Variants in DPP10 observed in about 807,000 individuals in gnomAD.
The protein encoded by DPP10 is inactive dipeptidyl peptidase 10.
Under a neutral mutation model 120.9 loss-of-function variants are expected in DPP10, and 33 were observed. The ratio of observed to expected loss-of-function variants is 0.27; its 90% CI spans 0.21 to 0.37. The LOEUF is 0.37. Among genes scored for constraint, DPP10 ranks in the 10% least tolerant of loss-of-function variants. The pLI, the probability that DPP10 is intolerant of heterozygous loss-of-function variation, is 1.00. For synonymous variants in DPP10, 337 were observed against 326.1 expected (o/e 1.03, Z -0.36); for missense variants, 816 against 942.8 (o/e 0.87, Z 1.76).
At chr2:115,495,588 G>C (rs1000735147) in intron 3 of DPP10, among the ~76,000 whole-genome samples, 1 of 151,942 alleles carries the variant, frequency 6.6e-6, no homozygotes, top group Non-Finnish European at 1.5e-5. Flanking sequence ...GTGTGGAAGA[G>C]GTATAAAATA....
chr2:114,620,494 G>A (rs981755051), intron 1 of DPP10, among the ~76,000 whole-genome samples: 1 of 151,954 alleles, frequency 6.6e-6, no homozygotes, highest in Non-Finnish European at 1.5e-5. Flanking sequence ...GTTAAACAGT[G>A]AAGTCTTATA....
At chr2:115,371,761 T>G (rs556739124) in intron 3 of DPP10, among the ~76,000 whole-genome samples, 8 of 152,222 alleles carry the variant, frequency 5.3e-5, no homozygotes, top group South Asian at 2.1e-4. Context: ...AGTATATATT[T>G]TGGTTTAGTC....
intron 1 of DPP10, among the ~76,000 whole-genome samples, chr2:114,693,239 T>C (rs1699875943): frequency 6.6e-6 from 1 of 151,808 alleles, no homozygotes; most frequent in African/African-American, 2.4e-5. Flanking sequence ...CAATTTTCAG[T>C]GATTCTTTCA....
At chr2:115,046,056 T>C (rs1705048842) in intron 1 of DPP10, among the ~76,000 whole-genome samples, 1 of 151,970 alleles carries the variant, frequency 6.6e-6, no homozygotes, top group Admixed American at 6.6e-5. Flanking sequence ...GTCAAATAGA[T>C]TCAAACTATT....
At chr2:114,917,811 A>G (rs1253248579) in intron 1 of DPP10, among the ~76,000 whole-genome samples, 2 of 152,258 alleles carry the variant, frequency 1.3e-5, no homozygotes, top group Non-Finnish European at 1.5e-5. Context: ...TCAACTCAAG[A>G]TGGATTAAAG....
At chr2:114,722,043 C>T (rs1375258663) in intron 1 of DPP10, among the ~76,000 whole-genome samples, 1 of 152,068 alleles carries the variant, frequency 6.6e-6, no homozygotes. Context: ...TAACTAGCTA[C>T]AAATGCCAGT....
chr2:115,549,482 C>G (rs1216207372), intron 5 of DPP10, among the ~76,000 whole-genome samples: 3 of 152,124 alleles, frequency 2.0e-5, no homozygotes, highest in South Asian at 2.1e-4. Context: ...TCCCTATTCT[C>G]TCATTTCAAG....
chr2:115,243,340 G>A (rs1035291299), intron 1 of DPP10, among the ~76,000 whole-genome samples: 4 of 152,016 alleles, frequency 2.6e-5, no homozygotes, highest in Non-Finnish European at 5.9e-5. Context: ...CAGAAAAGAT[G>A]CATTTCTTGC....
chr2:114,873,085 C>T (rs1396813850), intron 1 of DPP10, among the ~76,000 whole-genome samples: 1 of 152,146 alleles, frequency 6.6e-6, no homozygotes, highest in Non-Finnish European at 1.5e-5. Context: ...TTATCGAAGG[C>T]CACCATTTCA....
intron 1 of DPP10, among the ~76,000 whole-genome samples, chr2:114,870,154 A>G (rs754736854): frequency 2.6e-4 from 40 of 152,206 alleles, no homozygotes; most frequent in Non-Finnish European, 4.6e-4. Context: ...GTTCTTTACA[A>G]TAAGATATAG....
intron 11 of DPP10, among the ~76,000 whole-genome samples, chr2:115,757,552 A>G (rs1679579553): frequency 6.6e-6 from 1 of 152,078 alleles, no homozygotes; most frequent in Admixed American, 6.6e-5. Context: ...CCCGTAATTC[A>G]ATCACCTTCC....
rs1195257863 is a variant in DPP10 at position 115,777,805 on chromosome 2, A to G, written c.1332A>G (p.Glu444=). 1.2e-6 allele frequency: 2 copies of G among 1,613,224 alleles called. No homozygotes were observed. Among genetic ancestry groups the G allele is most frequent in the African/African-American group, 1.3e-5 (1 of 74,860 alleles). ...TGGACAGTTACTTTCTGAGCACTGAATCTTCTCCCAGAGGAAGGCAGCTGT... is the reference window on the plus strand; with the variant it reads ...TGGACAGTTACTTTCTGAGCACTGAGTCTTCTCCCAGAGGAAGGCAGCTGT... The part of the protein sequence containing the change: ...TTQKIYFLST[E]SSPRGRQLYS... The change falls in exon 15 of 26, where the codon GAA becomes GAG. Residue 444 remains glutamate, a synonymous_variant. Coordinates refer to ENST00000410059, the MANE Select transcript of DPP10 (RefSeq NM_020868.6).
At chr2:114,737,438 G>A (rs1226552851) in intron 1 of DPP10, among the ~76,000 whole-genome samples, 1 of 152,188 alleles carries the variant, frequency 6.6e-6, no homozygotes, top group African/African-American at 2.4e-5. Context: ...CTGCAGGAGA[G>A]AGAAATCTGC....
intron 1 of DPP10, among the ~76,000 whole-genome samples, chr2:115,219,738 A>G (rs1228075894): frequency 6.6e-6 from 1 of 152,244 alleles, no homozygotes; most frequent in East Asian, 1.9e-4. Context: ...TTGAGAAACC[A>G]AAGGTTAAAA....
intron 7 of DPP10, among the ~76,000 whole-genome samples, chr2:115,696,746 CT>C (rs1317149485): frequency 1.3e-5 from 2 of 152,224 alleles, no homozygotes; most frequent in African/African-American, 4.8e-5. Flanking sequence ...TGTAACTGCA[CT>C]TTTTCTTTTC....
At chr2:115,717,992 G>C (rs774310604) in intron 7 of DPP10, among the ~76,000 whole-genome samples, 2 of 152,064 alleles carry the variant, frequency 1.3e-5, no homozygotes, top group African/African-American at 2.4e-5. Flanking sequence ...CAGATGTGGA[G>C]TAGCCAAATA....
At chr2:115,366,602 A>C (rs1317309716) in intron 3 of DPP10, among the ~76,000 whole-genome samples, 1 of 152,022 alleles carries the variant, frequency 6.6e-6, no homozygotes, top group Non-Finnish European at 1.5e-5. Flanking sequence ...CCTTAGGATG[A>C]TGTTGTATTT....
intron 7 of DPP10, among the ~76,000 whole-genome samples, chr2:115,711,915 GGTTTTTTTTTT>G (rs2092329928): frequency 2.1e-5 from 2 of 96,986 alleles, no homozygotes; most frequent in South Asian, 7.1e-4. Flanking sequence ...AAAATGGTCT[GGTTTTTTTTTT>G]TTTTTTTTTT....
At chr2:115,407,213 G>A (rs2068580986) in intron 3 of DPP10, among the ~76,000 whole-genome samples, 1 of 152,194 alleles carries the variant, frequency 6.6e-6, no homozygotes, top group Non-Finnish European at 1.5e-5. Flanking sequence ...AATCAGTCAG[G>A]AAAAGGGAAG....
Sources: gnomAD v4.1 joint callset for allele counts (sites outside exome capture counted in the v4.1 genomes callset) on GRCh38, gnomAD v4.1.1 for gene constraint, MANE v1.5 for transcripts, NCBI Gene and HGNC (gene_info 2026-07-23, HGNC 2026-07-21) for gene names.